DIXDC1: variants seen among roughly 807,000 people sequenced by gnomAD.
DIXDC1 encodes DIX domain containing 1.
Under a neutral mutation model 103.1 loss-of-function variants are expected in DIXDC1, and 64 were observed. The ratio of observed to expected loss-of-function variants is 0.62; its 90% CI spans 0.51 to 0.76. The LOEUF (loss-of-function observed/expected upper bound fraction) is 0.76. DIXDC1 is among the 30% of genes least tolerant of loss of function. The pLI, the probability that DIXDC1 is intolerant of heterozygous loss-of-function variation, is 0.00. For missense variants in DIXDC1, 759 were observed against 834.2 expected (o/e 0.91, Z 1.11); for synonymous variants, 266 against 298.5 (o/e 0.89, Z 1.12).
chr11:111,973,869 C>A (rs1175014863), intron 3 of DIXDC1, among the ~76,000 whole-genome samples, 154 bp from the exon 4 acceptor site: 1 of 152,196 alleles, frequency 6.6e-6, no homozygotes, highest in East Asian at 1.9e-4. Flanking sequence ...TATTCGGTCT[C>A]CCTTGTTGCC....
At chr11:111,996,848 T>G (rs1310892690) in intron 17 of DIXDC1, among the ~76,000 whole-genome samples, 1 of 152,106 alleles carries the variant, frequency 6.6e-6, no homozygotes, top group Non-Finnish European at 1.5e-5. Context: ...AGACTCCATC[T>G]CAAAATAAAA....
chr11:111,971,896 T>C (rs782736599), intron 3 of DIXDC1, among the ~76,000 whole-genome samples: 23 of 152,096 alleles, frequency 1.5e-4, no homozygotes, highest in Non-Finnish European at 2.6e-4. Context: ...ATGTTCTTAC[T>C]TATAATTGGG....
intron 2 of DIXDC1, among the ~76,000 whole-genome samples, chr11:111,965,734 A>C (rs1050551192): frequency 2.2e-4 from 34 of 152,222 alleles, no homozygotes; most frequent in Admixed American, 3.3e-4. Context: ...AAAAATAAAT[A>C]GTACTTAGTA....
At chr11:111,932,234 A>C (rs1966047298) in intron 2 of DIXDC1, among the ~76,000 whole-genome samples, 1 of 150,646 alleles carries the variant, frequency 6.6e-6, no homozygotes, top group African/African-American at 2.4e-5. Flanking sequence ...ATGGGGTTTC[A>C]CCATGTTGGC....
chr11:111,997,547 G>A (rs587749742), intron 17 of DIXDC1, among the ~76,000 whole-genome samples: 5 of 152,300 alleles, frequency 3.3e-5, no homozygotes, highest in African/African-American at 1.2e-4. Context: ...TGTTGGCAAT[G>A]AATTATTTTA....
intron 5 of DIXDC1, chr11:111,975,842 C>G (rs1007212967): frequency 1.0e-6 from 1 of 984,878 alleles, no homozygotes; most frequent in African/African-American, 1.8e-5. Flanking sequence ...TGCACATTTC[C>G]TAATTTATTG....
intron 7 of DIXDC1, among the ~76,000 whole-genome samples, chr11:111,983,363 G>A (rs1860385085): frequency 1.3e-5 from 2 of 152,240 alleles, no homozygotes; most frequent in South Asian, 4.1e-4. Context: ...GGAGATTGGT[G>A]CTGTGGCAAA....
intron 17 of DIXDC1, among the ~76,000 whole-genome samples, chr11:112,003,180 G>A (rs1156755295): frequency 6.6e-6 from 1 of 152,144 alleles, no homozygotes; most frequent in East Asian, 1.9e-4. Flanking sequence ...TAAGAAGTAG[G>A]GTGACTATAG....
intron 3 of DIXDC1, among the ~76,000 whole-genome samples, chr11:111,971,331 A>G (rs1432306580): frequency 3.9e-5 from 6 of 152,226 alleles, no homozygotes; most frequent in African/African-American, 1.4e-4. Flanking sequence ...ATACTTCTCA[A>G]AAGTGGCCAA....
At chr11:111,935,682 G>A (rs1188938702), upstream of DIXDC1, among the ~76,000 whole-genome samples, 2 of 152,194 alleles carry the variant, frequency 1.3e-5, no homozygotes, top group Non-Finnish European at 2.9e-5. Flanking sequence ...ACTCTCCGGG[G>A]GTGTTACACC....
At position 112,021,303 on chromosome 11, in the gene DIXDC1, G is replaced by A. The variant is rs1861751547; in HGVS notation, c.*2267G>A. 6.6e-6 allele frequency: 1 copy of A among 152,162 alleles called. No individual in the cohort carries two copies. Among genetic ancestry groups the A allele is most frequent in the Non-Finnish European group, 1.5e-5 (1 of 68,030 alleles). The allele number at this position is 152,162 out of a possible 1,614,324, so 9.4% of individuals were successfully genotyped here. ...AGCTCGGTAATCTCATGTACCACAG[G>A]TAATGACCAAGCATCTCTGCTAGAG... On this transcript the variant is annotated 3_prime_UTR_variant, in exon 20 of 20. Transcript: ENST00000440460.
intron 2 of DIXDC1, among the ~76,000 whole-genome samples, chr11:111,967,122 C>A (rs1368799521): frequency 6.6e-6 from 1 of 150,888 alleles, no homozygotes; most frequent in Non-Finnish European, 1.5e-5. Context: ...AGGTTCAGCC[C>A]TCTTATATAT....
At position 112,019,166 on chromosome 11, in the gene DIXDC1, C is replaced by A; in HGVS notation, c.*130C>A. Reference sequence around the variant, plus strand: ...GTGCCAAAACAGAAGCTTCTCCAAGCATGATGGCCACAGGTCAGTCCTCTT... The same window carrying A: ...GTGCCAAAACAGAAGCTTCTCCAAGAATGATGGCCACAGGTCAGTCCTCTT... On this transcript the variant is annotated 3_prime_UTR_variant, in exon 20 of 20. Coordinates refer to ENST00000440460, the MANE Select transcript of DIXDC1 (RefSeq NM_001037954.4). 1.4e-6 allele frequency: 1 copy of A among 692,424 alleles called. No homozygotes were observed. The highest frequency in any genetic ancestry group is 2.5e-6 in the Non-Finnish European group (1 of 406,984). The allele number at this position is 692,424 out of a possible 1,614,324, so 42.9% of individuals were successfully genotyped here. A position where few individuals can be genotyped will look rare whatever the true frequency, so the allele number is the denominator to read the frequency against.
intron 1 of DIXDC1, among the ~76,000 whole-genome samples, chr11:111,962,358 CG>C (rs1592569128): frequency 6.6e-6 from 1 of 151,870 alleles, no homozygotes; most frequent in East Asian, 1.9e-4. Flanking sequence ...GGCAGGCACC[CG>C]TAGTCCCAGC....
At chr11:111,941,007 T>C (rs974898099) in intron 1 of DIXDC1, among the ~76,000 whole-genome samples, 2 of 152,172 alleles carry the variant, frequency 1.3e-5, no homozygotes, top group African/African-American at 4.8e-5. Context: ...TTCAGCTCCC[T>C]GAGAAGCTGA....
In DIXDC1 at chr11:112,020,266, T is replaced by C. The variant is rs1861717282; in HGVS notation, c.*1230T>C. On this transcript the variant is annotated 3_prime_UTR_variant, in exon 20 of 20. Transcript: ENST00000440460. ...TCAACCAGTCAGCCATTATTATTTA[T>C]ATATGTATTACCAAAAGCAGTCTAT... 1 of 152,654 alleles carries C rather than the reference T, an allele frequency of 6.6e-6. No individual in the cohort carries two copies. The highest frequency in any genetic ancestry group is 1.5e-5 in the Non-Finnish European group (1 of 68,062). The allele number at this position is 152,654 out of a possible 1,614,324, so 9.5% of individuals were successfully genotyped here.
rs1355724420 is a variant in DIXDC1, at chr11:111,992,574, A to G, written c.1218+55A>G. Reference sequence around the variant, plus strand: ...GTGAGCCCCATTAGCAGAACAGGCTACTGCACGAAGAACTATTAGACTGGC... The same window carrying G: ...GTGAGCCCCATTAGCAGAACAGGCTGCTGCACGAAGAACTATTAGACTGGC... On this transcript the variant is annotated intron_variant, in intron 11 of 19. Transcript: ENST00000440460. The G allele has an allele frequency of 3.4e-6, 5 of 1,452,832 alleles. No homozygotes were observed. The East Asian group carries it at 9.9e-5, about 29-fold the overall frequency. 90.0% of individuals were successfully genotyped at this position (1,452,832 alleles called of 1,614,324 possible). A position where few individuals can be genotyped will look rare whatever the true frequency, so the allele number is the denominator to read the frequency against.
intron 14 of DIXDC1, among the ~76,000 whole-genome samples, chr11:111,994,336 T>G (rs1027022162): frequency 3.9e-5 from 6 of 151,988 alleles, no homozygotes; most frequent in Middle Eastern, 3.4e-3. Flanking sequence ...TGCCATGAGC[T>G]GAGATCATGC....
In DIXDC1 at chr11:111,995,072, G is replaced by A. The variant is rs377409061; in HGVS notation, c.1491G>A (p.Thr497=). The A allele has an allele frequency of 2.6e-5, 42 of 1,613,564 alleles. No individual in the cohort carries two copies. Among genetic ancestry groups the A allele is most frequent in the Admixed American group, 3.3e-5 (2 of 59,996 alleles). The change falls in exon 15 of 20, where the codon ACG becomes ACA. Residue 497 remains threonine, a synonymous_variant. Coordinates refer to ENST00000440460, the MANE Select transcript of DIXDC1 (RefSeq NM_001037954.4). ...NSQSNGFLLP[T]AGKGATSVSN... The stretch of plus-strand genomic sequence containing the variant: ...AAAGCAATGGTTTTCTCCTTCCAAC[G>A]GCAGGAAAAGGAGCTACTTCAGTCA...
Sources: gnomAD v4.1 joint callset for allele counts (sites outside exome capture counted in the v4.1 genomes callset) on GRCh38, gnomAD v4.1.1 for gene constraint, MANE v1.5 for transcripts, NCBI Gene and HGNC (gene_info 2026-07-23, HGNC 2026-07-21) for gene names.